The following ABCC4 variants were observed in gnomAD, a reference collection of about 807,000 sequenced individuals.
ABCC4 encodes the protein ATP-binding cassette sub-family C member 4.
Under a neutral mutation model 168.5 loss-of-function variants are expected in ABCC4, and 102 were observed. The ratio of observed to expected loss-of-function variants is 0.61; its 90% CI spans 0.52 to 0.71. The LOEUF is 0.71. Among genes scored for constraint, ABCC4 ranks in the 30% least tolerant of loss-of-function variants. The probability of loss-of-function intolerance (pLI) is 0.00; values close to 1 mark genes in which losing one functional copy is unlikely to be tolerated. For missense variants in ABCC4, 1,402 were observed against 1,605.8 expected, an observed-to-expected ratio of 0.87 and a Z score of 2.17; for synonymous variants, 617 against 590.7, an observed-to-expected ratio of 1.04 and a Z score of -0.65.
chr13:95,043,058 C>G (rs933455303), intron 29 of ABCC4, among the ~76,000 whole-genome samples: 8 of 152,200 alleles, frequency 5.3e-5, no homozygotes, highest in Non-Finnish European at 7.3e-5. Context: ...GCATGAGCCA[C>G]CGTGCCTGGC....
intron 20 of ABCC4, among the ~76,000 whole-genome samples, chr13:95,090,299 A>G (rs1434604259): frequency 2.0e-5 from 3 of 152,290 alleles, no homozygotes; most frequent in African/African-American, 7.2e-5. Context: ...CCACCTTCCA[A>G]CAGGAGGCCA....
At chr13:95,281,033 A>T (rs1209663486) in intron 1 of ABCC4, among the ~76,000 whole-genome samples, 1 of 152,092 alleles carries the variant, frequency 6.6e-6, no homozygotes, top group Non-Finnish European at 1.5e-5. Context: ...CTGGATGCTA[A>T]GAACTTGCAC....
chr13:95,240,901 A>T (rs1195545167), intron 3 of ABCC4, among the ~76,000 whole-genome samples: 2 of 151,634 alleles, frequency 1.3e-5, no homozygotes, highest in African/African-American at 4.9e-5. Flanking sequence ...AACCAAGGAG[A>T]CAGAGGTTGC....
intron 8 of ABCC4, among the ~76,000 whole-genome samples, chr13:95,199,129 A>C (rs2038548319): frequency 6.6e-6 from 1 of 152,224 alleles, no homozygotes; most frequent in Non-Finnish European, 1.5e-5. Context: ...TAATAAAAAA[A>C]TTAAAATAGA....
At chr13:95,225,149 TCTCTCACACACACACACACACA>T (rs1332504705) in intron 4 of ABCC4, among the ~76,000 whole-genome samples, 62 of 100,184 alleles carry the variant, frequency 6.2e-4, no homozygotes, top group African/African-American at 1.1e-3. Context: ...TGTCTCTCTC[TCTCTCACACACACACACACACA>T]CACACACACA....
chr13:95,171,263 C>G (rs757057693), intron 13 of ABCC4, among the ~76,000 whole-genome samples: 1 of 152,092 alleles, frequency 6.6e-6, no homozygotes, highest in African/African-American at 2.4e-5. Context: ...AGAATCCAAA[C>G]AGTCCAAACC....
At chr13:95,180,707 A>G (rs1318117617) in intron 11 of ABCC4, among the ~76,000 whole-genome samples, 1 of 152,216 alleles carries the variant, frequency 6.6e-6, no homozygotes, top group African/African-American at 2.4e-5. Flanking sequence ...TGGTCTTTAT[A>G]TAATGTGTTA....
At chr13:95,094,759 A>G (rs2034537945) in intron 20 of ABCC4, among the ~76,000 whole-genome samples, 1 of 152,204 alleles carries the variant, frequency 6.6e-6, no homozygotes, top group Admixed American at 6.5e-5. Context: ...GTAAATCTTC[A>G]CAATCTATAC....
chr13:95,070,105 A>G (rs9524790), intron 25 of ABCC4, among the ~76,000 whole-genome samples: 116,080 of 152,068 alleles, frequency 0.76, 44,758 homozygotes, highest in South Asian at 0.9. Context: ...TGAGTTGGGT[A>G]TGGTGGTGCA....
chr13:95,039,766 T>C (rs2032275733), intron 29 of ABCC4, among the ~76,000 whole-genome samples: 1 of 152,222 alleles, frequency 6.6e-6, no homozygotes, highest in Non-Finnish European at 1.5e-5. Flanking sequence ...CAAAACAATT[T>C]AATCCATTTA....
At chr13:95,115,789 A>T in intron 20 of ABCC4, 133 bp downstream of exon 20, 1 of 725,122 alleles carries the variant, frequency 1.4e-6, no homozygotes, top group Non-Finnish European at 2.4e-6. Flanking sequence ...TCTTTTACAA[A>T]CATGGCCCTT....
intron 19 of ABCC4, among the ~76,000 whole-genome samples, chr13:95,144,310 G>T (rs1045678370): frequency 1.4e-5 from 2 of 139,042 alleles, no homozygotes; most frequent in African/African-American, 5.6e-5. Flanking sequence ...AATGCCCAGG[G>T]ACAAAGGCTG....
intron 8 of ABCC4, among the ~76,000 whole-genome samples, chr13:95,202,027 AG>A (rs2038642917): frequency 6.6e-6 from 1 of 152,252 alleles, no homozygotes; most frequent in South Asian, 2.1e-4. Flanking sequence ...GCTAGGCCAC[AG>A]TCCCCAGATA....
chr13:95,225,734 T>C (rs1459582821), intron 4 of ABCC4, among the ~76,000 whole-genome samples: 4 of 151,858 alleles, frequency 2.6e-5, no homozygotes, highest in African/African-American at 9.7e-5. Flanking sequence ...CTTTGAATTA[T>C]GGCATTCTTT....
rs149632044 is a variant in ABCC4 at position 95,172,948 on chromosome 13, A to G, written c.1728-2320T>C. ...GGAAGGAAGGGATGGAGGGAGGGAG[A>G]GAGGGACAGATACAGTCACTACCTT... On this transcript the variant is annotated intron_variant, in intron 13 of 30. Transcript: ENST00000645237. 3.7e-4 allele frequency among the ~76,000 whole-genome samples: 57 copies of G among 152,260 alleles called. 1 individual carries two copies. In the East Asian group the frequency reaches 8.5e-3, roughly 23 times the overall value.
intron 9 of ABCC4, among the ~76,000 whole-genome samples, chr13:95,189,294 C>T (rs1272142744): frequency 6.6e-6 from 1 of 151,102 alleles, no homozygotes; most frequent in Non-Finnish European, 1.5e-5. Context: ...CCACTGCGCC[C>T]AGCTAATTTT....
At chr13:95,032,368 C>A (rs1001988927) in intron 30 of ABCC4, among the ~76,000 whole-genome samples, 26 of 152,216 alleles carry the variant, frequency 1.7e-4, no homozygotes, top group African/African-American at 5.3e-4. Flanking sequence ...TCAGGGCTCA[C>A]CACATCAATC....
chr13:95,250,484 T>C (rs1468046935), intron 1 of ABCC4, among the ~76,000 whole-genome samples: 1 of 152,172 alleles, frequency 6.6e-6, no homozygotes, highest in Non-Finnish European at 1.5e-5. Flanking sequence ...ATAAGACAGA[T>C]GGGTAGAGTA....
rs550877497 is a variant in ABCC4 at position 95,085,205 on chromosome 13, G to A, written c.2536-1915C>T. Among the ~76,000 whole-genome samples, 96 of 152,208 alleles carry A rather than the reference G, an allele frequency of 6.3e-4. 1 individual carries two copies. Among genetic ancestry groups the A allele is most frequent in the Middle Eastern group, 3.4e-3 (1 of 294 alleles). ...TGTAATCCCAGCACTTTGGGAGGCA[G>A]AGGCGGGTGGATCACCTGAGGTCAG... is the stretch of plus-strand genomic sequence containing the variant. On this transcript the variant is annotated intron_variant, in intron 20 of 30. Coordinates refer to ENST00000645237, the MANE Select transcript of ABCC4 (RefSeq NM_005845.5).
Sources: gnomAD v4.1 joint callset for allele counts (sites outside exome capture counted in the v4.1 genomes callset) on GRCh38, gnomAD v4.1.1 for gene constraint, MANE v1.5 for transcripts, NCBI Gene and HGNC (gene_info 2026-07-23, HGNC 2026-07-21) for gene names.